The following CSMD1 variants were observed in gnomAD, a reference collection of about 807,000 sequenced individuals.
CSMD1 encodes CUB and Sushi multiple domains 1, also known as CUB and sushi domain-containing protein 1.
In CSMD1, 213 loss-of-function variants were observed where a neutral mutation model predicts 417.5. The observed-to-expected ratio is 0.51, with a 90% CI of 0.46 to 0.57. The LOEUF (loss-of-function observed/expected upper bound fraction) is 0.57. Among genes scored for constraint, CSMD1 ranks in the 20% least tolerant of loss-of-function variants. The pLI is 0.00. For missense variants in CSMD1, 6,923 were observed against 4,529.7 expected (o/e 1.53, Z -15.17); for synonymous variants, 2,862 against 1,736.8 (o/e 1.65, Z -16.11).
chr8:3,003,822 A>G (rs1215321396), intron 52 of CSMD1, among the ~76,000 whole-genome samples: 3 of 152,216 alleles, frequency 2.0e-5, no homozygotes, highest in Non-Finnish European at 4.4e-5. Flanking sequence ...CTTGTTAGCC[A>G]GGAAAAGGTG....
intron 5 of CSMD1, among the ~76,000 whole-genome samples, chr8:3,976,810 G>A (rs1295407219): frequency 2.6e-5 from 4 of 152,160 alleles, no homozygotes; most frequent in African/African-American, 4.8e-5. Context: ...CATGCCTGTA[G>A]AATAGCATCT....
At chr8:3,614,651 C>G (rs1802050098) in intron 8 of CSMD1, among the ~76,000 whole-genome samples, 1 of 152,136 alleles carries the variant, frequency 6.6e-6, no homozygotes, top group Admixed American at 6.5e-5. Flanking sequence ...TTTTAGAATA[C>G]AGCTCTGCAA....
At position 4,284,725 on chromosome 8, in the gene CSMD1, G is replaced by C. The variant is rs866421744; in HGVS notation, c.415+135228C>G. Among the ~76,000 whole-genome samples the C allele has an allele frequency of 5.3e-5, 8 of 152,194 alleles. No individual in the cohort carries two copies. The Middle Eastern group carries it at 0.01, about 194-fold the overall frequency. ...ATTTGGATTTCTACGACTCCCAGGA[G>C]GGTAACTCCATGTGTCAGATGATAG... On this transcript the variant is annotated intron_variant, in intron 3 of 69. Coordinates refer to ENST00000635120, the MANE Select transcript of CSMD1 (RefSeq NM_033225.6).
At position 4,307,019 on chromosome 8, in the gene CSMD1, C is replaced by T. The variant is rs553215424; in HGVS notation, c.415+112934G>A. ...CCGCCCTGGTTCAGCCCCTCTTCGT[C>T]GCCTGCACCATGTCCACTGTGGGGT... On this transcript the variant is annotated intron_variant, in intron 3 of 69. Coordinates refer to ENST00000635120, the MANE Select transcript of CSMD1 (RefSeq NM_033225.6). 1.3e-4 allele frequency among the ~76,000 whole-genome samples: 20 copies of T among 152,224 alleles called. 1 individual carries two copies. The highest frequency in any genetic ancestry group is 4.2e-4 in the South Asian group (2 of 4,812).
intron 21 of CSMD1, among the ~76,000 whole-genome samples, chr8:3,353,167 C>T (rs1808527590): frequency 6.6e-6 from 1 of 152,158 alleles, no homozygotes; most frequent in Non-Finnish European, 1.5e-5. Flanking sequence ...ACTTTAATAA[C>T]CTTGTGATTC....
At chr8:3,363,130 T>G (rs542931167) in intron 20 of CSMD1, among the ~76,000 whole-genome samples, 1 of 152,302 alleles carries the variant, frequency 6.6e-6, no homozygotes, top group East Asian at 1.9e-4. Flanking sequence ...CCTCCCATTG[T>G]ACCTCCGTCT....
At chr8:2,974,353 G>C in intron 56 of CSMD1, 98 bp downstream of exon 56, 1 of 1,150,124 alleles carries the variant, frequency 8.7e-7, no homozygotes, top group East Asian at 2.6e-5. Context: ...ATAATTATAG[G>C]GCTTTTCAAA....
chr8:3,164,252 T>C (rs1327298924), intron 37 of CSMD1, among the ~76,000 whole-genome samples: 1 of 152,242 alleles, frequency 6.6e-6, no homozygotes, highest in East Asian at 1.9e-4. Context: ...CCATTGATTC[T>C]GTATAGAATG....
chr8:3,792,843 G>C, intron 5 of CSMD1, among the ~76,000 whole-genome samples: 1 of 152,184 alleles, frequency 6.6e-6, no homozygotes, highest in East Asian at 1.9e-4. Context: ...TTGACTTGAA[G>C]CACAGGATGA....
intron 5 of CSMD1, among the ~76,000 whole-genome samples, chr8:3,995,523 C>A (rs952142782): frequency 3.3e-5 from 5 of 152,154 alleles, no homozygotes; most frequent in Admixed American, 6.5e-5. Context: ...GAAGCTCAGA[C>A]CTGGACTACA....
At chr8:4,054,168 T>C (rs1053997675) in intron 3 of CSMD1, among the ~76,000 whole-genome samples, 3 of 152,126 alleles carry the variant, frequency 2.0e-5, no homozygotes, top group African/African-American at 4.8e-5. Flanking sequence ...ATTACCACCA[T>C]CAAGATTTCA....
intron 3 of CSMD1, among the ~76,000 whole-genome samples, chr8:4,314,904 C>G (rs936420893): frequency 6.6e-6 from 1 of 152,056 alleles, no homozygotes; most frequent in Non-Finnish European, 1.5e-5. Flanking sequence ...TAATTGGGCT[C>G]CTAAAAACAC....
intron 3 of CSMD1, among the ~76,000 whole-genome samples, chr8:4,130,340 G>A (rs1342247169): frequency 6.6e-6 from 1 of 152,008 alleles, no homozygotes; most frequent in African/African-American, 2.4e-5. Flanking sequence ...CTATTCCAAA[G>A]ACCCCCAGTA....
intron 21 of CSMD1, among the ~76,000 whole-genome samples, chr8:3,349,557 G>A (rs781155041): frequency 5.9e-5 from 9 of 151,668 alleles, no homozygotes; most frequent in South Asian, 2.1e-4. Flanking sequence ...GTGTTGAGGC[G>A]GAAGTGCAGG....
chr8:3,565,231 T>C (rs145299126), intron 10 of CSMD1, among the ~76,000 whole-genome samples: 103 of 131,678 alleles, frequency 7.8e-4, no homozygotes, highest in Middle Eastern at 5.3e-3. Flanking sequence ...GACAGATAGA[T>C]AGATTAATGA....
intron 23 of CSMD1, among the ~76,000 whole-genome samples, chr8:3,339,350 C>T (rs1807492333): frequency 1.3e-5 from 2 of 152,110 alleles, no homozygotes; most frequent in African/African-American, 4.8e-5. Flanking sequence ...ACTATGGGTT[C>T]TCTTCTCTAT....
chr8:3,168,355 T>A (rs959637381), intron 37 of CSMD1, among the ~76,000 whole-genome samples: 17 of 152,192 alleles, frequency 1.1e-4, no homozygotes, highest in African/African-American at 4.1e-4. Flanking sequence ...CAGATGAAAA[T>A]TCCTCTTTTT....
intron 5 of CSMD1, among the ~76,000 whole-genome samples, chr8:3,863,436 G>C (rs1172060718): frequency 6.6e-6 from 1 of 151,406 alleles, no homozygotes; most frequent in African/African-American, 2.4e-5. Flanking sequence ...ATTCATGTGG[G>C]TAGAATCTTC....
intron 48 of CSMD1, among the ~76,000 whole-genome samples, chr8:3,088,643 G>T (rs1044556195): frequency 1.3e-5 from 2 of 151,510 alleles, no homozygotes; most frequent in African/African-American, 4.8e-5. Flanking sequence ...TTTTTTTAAT[G>T]GGCTGATTTT....
Sources: allele counts gnomAD v4.1 joint callset (sites outside exome capture counted in the v4.1 genomes callset), GRCh38; gene constraint gnomAD v4.1.1; transcripts MANE v1.5; gene names NCBI Gene and HGNC (gene_info 2026-07-23, HGNC 2026-07-21).